BAG2: variants seen among roughly 807,000 people sequenced by gnomAD.
BAG2 encodes the protein BAG cochaperone 2.
A neutral mutation model predicts 16.4 loss-of-function variants in BAG2; 8 were observed. The ratio of observed to expected loss-of-function variants is 0.49; its 90% CI spans 0.29 to 0.88. The LOEUF (loss-of-function observed/expected upper bound fraction) is 0.88. Ranked by LOEUF, BAG2 falls within the 40% of genes least tolerant of loss-of-function variation. The pLI is 0.09. For missense variants in BAG2, 218 were observed against 248.9 expected (o/e 0.88, Z 0.84); for synonymous variants, 82 against 89.2 (o/e 0.92, Z 0.46).
At chr6:57,183,574 A>G (rs1385483548) in intron 2 of BAG2, among the ~76,000 whole-genome samples, 1 of 152,168 alleles carries the variant, frequency 6.6e-6, no homozygotes, top group Non-Finnish European at 1.5e-5. Flanking sequence ...GGTATCCCAT[A>G]TATGCAGATT....
intron 1 of BAG2, 164 bp downstream of exon 1, chr6:57,172,974 G>A: frequency 1.4e-6 from 1 of 700,744 alleles, no homozygotes; most frequent in Non-Finnish European, 2.1e-6. Context: ...ACGTGGTGTA[G>A]TTTTGTTTGT....
At chr6:57,180,283 A>C (rs1764400435) in intron 1 of BAG2, among the ~76,000 whole-genome samples, 1 of 152,190 alleles carries the variant, frequency 6.6e-6, no homozygotes, top group Admixed American at 6.5e-5. Context: ...AAGATGTCTA[A>C]TTTCTCTTGT....
At position 57,186,607 on chromosome 6, in the gene BAG2, C is replaced by A. The variant is rs1593199578; in HGVS notation, c.*2417C>A. 2 of 152,188 alleles carry A rather than the reference C, an allele frequency of 1.3e-5. No homozygotes were observed. The highest frequency in any genetic ancestry group is 4.8e-5 in the African/African-American group (2 of 41,456). The allele number at this position is 152,188 out of a possible 1,614,324, so 9.4% of individuals were successfully genotyped here. On this transcript the variant is annotated 3_prime_UTR_variant, in exon 3 of 3. Transcript: ENST00000370693. ...CAGGGATTACAGGCATGAGCCACCA[C>A]GCTTGGCCAATGGGTTGGTTCTTAA...
rs1043151844 is a variant in BAG2 at position 57,186,899 on chromosome 6, A to G, written c.*2709A>G. On this transcript the variant is annotated 3_prime_UTR_variant, in exon 3 of 3. Coordinates refer to ENST00000370693, the MANE Select transcript of BAG2 (RefSeq NM_004282.4). Reference sequence around the variant, plus strand: ...TGGCAGAGTATCTGAAATATGAAATAATTTTAGGTTGCTTTGATCTTTAAA... The same window carrying G: ...TGGCAGAGTATCTGAAATATGAAATGATTTTAGGTTGCTTTGATCTTTAAA... The G allele has an allele frequency of 1.6e-4, 25 of 152,296 alleles. No homozygotes were observed. Among genetic ancestry groups the G allele is most frequent in the Admixed American group, 1.4e-3 (21 of 15,306 alleles). 9.4% of individuals were successfully genotyped at this position (152,296 alleles called of 1,614,324 possible). A position where few individuals can be genotyped will look rare whatever the true frequency, so the allele number is the denominator to read the frequency against.
Position 57,186,956 on chromosome 6 carries a change from C to A in BAG2, c.*2766C>A, listed in dbSNP as rs1223822949. On this transcript the variant is annotated 3_prime_UTR_variant, in exon 3 of 3. Coordinates refer to ENST00000370693, the MANE Select transcript of BAG2 (RefSeq NM_004282.4). ...GCATTATATATTTTACTATTTAGAT[C>A]CACACTGTTGATACAATCATACATA... The A allele has an allele frequency of 6.6e-6, 1 of 152,068 alleles. No individual in the cohort carries two copies. The highest frequency in any genetic ancestry group is 1.5e-5 in the Non-Finnish European group (1 of 68,016). 9.4% of individuals were successfully genotyped at this position (152,068 alleles called of 1,614,324 possible). A position where few individuals can be genotyped will look rare whatever the true frequency, so the allele number is the denominator to read the frequency against.
At chr6:57,183,314 T>C (rs1764523445) in intron 2 of BAG2, among the ~76,000 whole-genome samples, 1 of 152,218 alleles carries the variant, frequency 6.6e-6, no homozygotes, top group Non-Finnish European at 1.5e-5. Flanking sequence ...AGTCAGTGCC[T>C]AGTATTGACG....
At chr6:57,173,510 G>A (rs1764190367) in intron 1 of BAG2, 2 of 982,246 alleles carry the variant, frequency 2.0e-6, no homozygotes, top group African/African-American at 3.5e-5. Context: ...CTAGTTACTG[G>A]CCTGAAAGCA....
At position 57,182,134 on chromosome 6, in the gene BAG2, C is replaced by A. The variant is rs767979775; in HGVS notation, c.216C>A (p.Ile72=). 2 of 1,613,730 alleles carry A rather than the reference C, an allele frequency of 1.2e-6. No homozygotes were observed. Among genetic ancestry groups the A allele is most frequent in the South Asian group, 2.2e-5 (2 of 91,050 alleles). ...AAAATAGCCAGGACATGAGGCAGAT[C>A]AGTGACGGTGAGAGCCATCTCCACA... ...SIQNSQDMRQ[I]SDGEREELNL... The change falls in exon 2 of 3, where the codon ATC becomes ATA. Residue 72 remains isoleucine, a synonymous_variant. Transcript: ENST00000370693.
intron 2 of BAG2, among the ~76,000 whole-genome samples, chr6:57,183,472 A>G (rs1764530309): frequency 6.6e-6 from 1 of 152,230 alleles, no homozygotes; most frequent in Non-Finnish European, 1.5e-5. Context: ...ATATGTGCTT[A>G]CTGCTCACAG....
chr6:57,183,458 C>A lies in BAG2; in HGVS notation c.224-320C>A, dbSNP rs1489068836. 2.0e-5 allele frequency among the ~76,000 whole-genome samples: 3 copies of A among 152,178 alleles called. No individual in the cohort carries two copies. In the East Asian group the frequency reaches 5.8e-4, roughly 29 times the overall value. ...TCTCTGGAGCTCTACCCAGCATAAA[C>A]CCTATATGTGCTTACTGCTCACAGT... is the stretch of plus-strand genomic sequence containing the variant. On this transcript the variant is annotated intron_variant, in intron 2 of 2. Transcript: ENST00000370693.
chr6:57,182,498 G>A (rs1489995009), intron 2 of BAG2, among the ~76,000 whole-genome samples: 1 of 148,968 alleles, frequency 6.7e-6, no homozygotes, highest in Non-Finnish European at 1.5e-5. Context: ...CAGAGGAAGA[G>A]GGTGAGAGAG....
Position 57,185,321 on chromosome 6 carries a change from G to T in BAG2, c.*1131G>T, listed in dbSNP as rs1764591089. ...TCTGATAAAGTGTGAAGCAACTAGA[G>T]AACACTTATTTGTTCAAAGTAACTA... On this transcript the variant is annotated 3_prime_UTR_variant, in exon 3 of 3. Coordinates refer to ENST00000370693, the MANE Select transcript of BAG2 (RefSeq NM_004282.4). 2 of 152,104 alleles carry T rather than the reference G, an allele frequency of 1.3e-5. No individual in the cohort carries two copies. The allele number at this position is 152,104 out of a possible 1,614,324, so 9.4% of individuals were successfully genotyped here. A position where few individuals can be genotyped will look rare whatever the true frequency, so the allele number is the denominator to read the frequency against.
At chr6:57,176,093 GTGT>G (rs763851132) in intron 1 of BAG2, among the ~76,000 whole-genome samples, 3 of 152,206 alleles carry the variant, frequency 2.0e-5, no homozygotes, top group Non-Finnish European at 4.4e-5. Context: ...TGTTGTTACA[GTGT>G]GAGAGCAGAG....
chr6:57,181,459 C>T (rs866887415), intron 1 of BAG2, among the ~76,000 whole-genome samples: 3 of 152,084 alleles, frequency 2.0e-5, no homozygotes, highest in African/African-American at 2.4e-5. Flanking sequence ...TGGGAGGCTG[C>T]GGTGGGCAGA....
chr6:57,176,476 G>A (rs1279685448), intron 1 of BAG2, among the ~76,000 whole-genome samples: 2 of 152,216 alleles, frequency 1.3e-5, no homozygotes, highest in Admixed American at 6.5e-5. Flanking sequence ...CTATGTGTTA[G>A]GTATTGGGTA....
At chr6:57,173,745 C>T (rs1442845328) in intron 1 of BAG2, 2 of 162,376 alleles carry the variant, frequency 1.2e-5, no homozygotes, top group Non-Finnish European at 2.6e-5. Context: ...ACCTGCAATT[C>T]CGTGAAACTG....
chr6:57,185,467 G>A lies in BAG2; in HGVS notation c.*1277G>A, dbSNP rs1764594370. 7.9e-5 allele frequency: 12 copies of A among 152,106 alleles called. No individual in the cohort carries two copies. Among genetic ancestry groups the A allele is most frequent in the Admixed American group, 7.9e-4 (12 of 15,262 alleles). 9.4% of individuals were successfully genotyped at this position (152,106 alleles called of 1,614,324 possible). ...GAAAAACCAAATCAAGATCCAAACT[G>A]ACTTTATGTATGTATATATCTCTCA... is the stretch of plus-strand genomic sequence containing the variant. On this transcript the variant is annotated 3_prime_UTR_variant, in exon 3 of 3. Transcript: ENST00000370693.
intron 2 of BAG2, among the ~76,000 whole-genome samples, chr6:57,182,380 A>C (rs2127993293): frequency 6.6e-6 from 1 of 152,068 alleles, no homozygotes; most frequent in Middle Eastern, 3.4e-3. Flanking sequence ...AAAAGCCTGC[A>C]AGCTCAGAAA....
chr6:57,181,196 G>C (rs1415174541), intron 1 of BAG2, among the ~76,000 whole-genome samples: 1 of 152,140 alleles, frequency 6.6e-6, no homozygotes, highest in Non-Finnish European at 1.5e-5. Flanking sequence ...CATACCCTTT[G>C]TCTTAGCAGT....
Sources: gnomAD v4.1 joint callset for allele counts (sites outside exome capture counted in the v4.1 genomes callset) on GRCh38, gnomAD v4.1.1 for gene constraint, MANE v1.5 for transcripts, NCBI Gene and HGNC (gene_info 2026-07-23, HGNC 2026-07-21) for gene names.